NWD1: variants seen among roughly 807,000 people sequenced by gnomAD.
The protein encoded by NWD1 is NACHT domain- and WD repeat-containing protein 1.
In NWD1, 129 loss-of-function variants were observed where a neutral mutation model predicts 135.1. That is an observed-to-expected ratio of 0.96 (90% confidence interval 0.83 to 1.11). The LOEUF is 1.11. Among genes scored for constraint, NWD1 ranks in the 50% least tolerant of loss-of-function variants. The pLI, the probability that NWD1 is intolerant of heterozygous loss-of-function variation, is 0.00. For missense variants in NWD1, 1,740 were observed against 1,851.3 expected (o/e 0.94, Z 1.10); for synonymous variants, 773 against 786.0 (o/e 0.98, Z 0.28).
At chr19:16,761,904 C>G in intron 7 of NWD1, 75 bp from the exon 8 acceptor site, 1 of 1,321,606 alleles carries the variant, frequency 7.6e-7, no homozygotes, top group Non-Finnish European at 1.1e-6. Context: ...TGGGAACTGC[C>G]TCCAGGAAGA....
chr19:16,733,733 G>C (rs557297081), intron 3 of NWD1, among the ~76,000 whole-genome samples: 1 of 152,120 alleles, frequency 6.6e-6, no homozygotes, highest in Non-Finnish European at 1.5e-5. Flanking sequence ...AAGCTTTTCT[G>C]TTTAATGCCC....
intron 16 of NWD1, among the ~76,000 whole-genome samples, 190 bp downstream of exon 16, chr19:16,798,076 T>C (rs1377480757): frequency 6.6e-6 from 1 of 152,062 alleles, no homozygotes; most frequent in Non-Finnish European, 1.5e-5. Flanking sequence ...ATTACTGAAA[T>C]GTTCAACAAA....
At chr19:16,737,964 C>CAAAAGAAAAGAAAAGAAA (rs147713373) in intron 4 of NWD1, among the ~76,000 whole-genome samples, 4 of 124,630 alleles carry the variant, frequency 3.2e-5, no homozygotes, top group Non-Finnish European at 1.7e-5. Flanking sequence ...GACTCTATCT[C>CAAAAGAAAAGAAAAGAAA]GAAAAGAAAA....
At chr19:16,744,136 C>T (rs1374903401) in intron 4 of NWD1, among the ~76,000 whole-genome samples, 1 of 152,038 alleles carries the variant, frequency 6.6e-6, no homozygotes, top group Non-Finnish European at 1.5e-5. Flanking sequence ...CGACAGTAAT[C>T]CCAGCACTTT....
At chr19:16,799,457 GT>G (rs1970527220) in intron 16 of NWD1, among the ~76,000 whole-genome samples, 1 of 152,078 alleles carries the variant, frequency 6.6e-6, no homozygotes, top group Non-Finnish European at 1.5e-5. Context: ...GCCTTCCAAA[GT>G]GCTGGGATTA....
chr19:16,759,494 C>G, intron 7 of NWD1, 66 bp downstream of exon 7: 1 of 1,213,230 alleles, frequency 8.2e-7, no homozygotes, highest in South Asian at 1.3e-5. Flanking sequence ...GACTCACTGG[C>G]CGGGGGTCTT....
At chr19:16,723,126 T>C (rs1967198624) in intron 1 of NWD1, among the ~76,000 whole-genome samples, 1 of 152,050 alleles carries the variant, frequency 6.6e-6, no homozygotes, top group African/African-American at 2.4e-5. Context: ...CTCAACCTCC[T>C]GCGCTCAAGT....
chr19:16,728,666 C>T (rs1014633826), intron 2 of NWD1, among the ~76,000 whole-genome samples: 7 of 150,346 alleles, frequency 4.7e-5, no homozygotes, highest in Non-Finnish European at 7.4e-5. Context: ...AATTGCAGGC[C>T]GGGTGCAGTG....
chr19:16,725,358 G>T (rs1967287543), intron 2 of NWD1, among the ~76,000 whole-genome samples: 1 of 151,154 alleles, frequency 6.6e-6, no homozygotes, highest in South Asian at 2.1e-4. Context: ...CACACCTGTA[G>T]TCCCAGCTAC....
intron 13 of NWD1, among the ~76,000 whole-genome samples, chr19:16,789,693 T>C (rs1383237516): frequency 6.6e-6 from 1 of 151,576 alleles, no homozygotes; most frequent in East Asian, 1.9e-4. Context: ...ACTTCTTTTA[T>C]AGTCTCTCTC....
At chr19:16,742,132 T>C (rs544913851) in intron 4 of NWD1, among the ~76,000 whole-genome samples, 65 of 151,032 alleles carry the variant, frequency 4.3e-4, no homozygotes, top group Admixed American at 7.3e-4. Context: ...CCCAACACTT[T>C]GGGAGGCTGA....
chr19:16,787,897 T>C (rs1199041127), intron 12 of NWD1, among the ~76,000 whole-genome samples: 2 of 80,682 alleles, frequency 2.5e-5, no homozygotes, highest in African/African-American at 1.2e-4. Flanking sequence ...ATAATAATAA[T>C]AATAATAATC....
rs767441760 is a variant in NWD1, at chr19:16,762,029, C to T, written c.2024C>T (p.Ala675Val). The change falls in exon 8 of 19, where the codon GCC becomes GTC. Residue 675 changes from alanine to valine, a missense_variant. Ala to Val is a moderately conservative substitution (Grantham distance 64). Transcript: ENST00000524140. Reference sequence around the variant, plus strand: ...CGCTACCTGTCAGGATCCGAGAGAGCCAAGAGGCATGGCGTCCTGGCCGAC... The same window carrying T: ...CGCTACCTGTCAGGATCCGAGAGAGTCAAGAGGCATGGCGTCCTGGCCGAC... ...RERYLSGSERAKRHGVLADFF... is the reference protein window; with the variant it reads ...RERYLSGSERVKRHGVLADFF... The T allele has an allele frequency of 3.7e-6, 6 of 1,613,842 alleles. No homozygotes were observed. The highest frequency in any genetic ancestry group is 1.1e-5 in the South Asian group (1 of 91,080).
At chr19:16,745,614 C>G (rs1174192333) in intron 5 of NWD1, among the ~76,000 whole-genome samples, 1 of 151,968 alleles carries the variant, frequency 6.6e-6, no homozygotes, top group Non-Finnish European at 1.5e-5. Context: ...GTAGTGCATG[C>G]CTGTAGTCCC....
chr19:16,794,354 A>C lies in NWD1; in HGVS notation c.3214-109A>C, dbSNP rs1970348104. ...GCACTCCTGCCTGGGAGACAGAGTGAGACTCCATCTCAAAAACAAAAAAAA... is the reference window on the plus strand; with the variant it reads ...GCACTCCTGCCTGGGAGACAGAGTGCGACTCCATCTCAAAAACAAAAAAAA... On this transcript the variant is annotated intron_variant, in intron 14 of 18. Transcript: ENST00000524140. The C allele has an allele frequency of 6.5e-6, 4 of 619,370 alleles. No individual in the cohort carries two copies. The Admixed American group carries it at 8.6e-5, about 13-fold the overall frequency. 38.4% of individuals were successfully genotyped at this position (619,370 alleles called of 1,614,324 possible).
intron 10 of NWD1, among the ~76,000 whole-genome samples, chr19:16,767,731 G>T (rs1268914693): frequency 6.6e-6 from 1 of 152,010 alleles, no homozygotes; most frequent in East Asian, 1.9e-4. Context: ...AACATGTGGG[G>T]ATTATGGGGA....
chr19:16,739,034 A>T (rs1315551497), intron 4 of NWD1, among the ~76,000 whole-genome samples: 1 of 150,502 alleles, frequency 6.6e-6, no homozygotes, highest in Non-Finnish European at 1.5e-5. Context: ...CTACACTTCT[A>T]TTGTAATTTG....
rs201479203 is a variant in NWD1, at chr19:16,744,538, C to A, written c.316C>A (p.Arg106=). 1 of 1,535,836 alleles carries A rather than the reference C, an allele frequency of 6.5e-7. No homozygotes were observed. Among genetic ancestry groups the A allele is most frequent in the Non-Finnish European group, 8.7e-7 (1 of 1,146,836 alleles). ...ARPSDLELVA[R]YFQRDENAFP... ...GCCAAGTGACCTGGAGCTGGTGGCA[C>A]GATACTTCCAGAGGGACGAGAATGC... is the stretch of plus-strand genomic sequence containing the variant. Residue 106 remains arginine, a synonymous_variant, in exon 5 of 19, where the codon CGA becomes AGA. Coordinates refer to ENST00000524140, the MANE Select transcript of NWD1 (RefSeq NM_001007525.5).
chr19:16,749,062 C>T lies in NWD1; in HGVS notation c.497-77C>T. ...CAATGCACATCCCCCAACAACAGGTCTCCCAGCAACCCCATTTAGGTCAGC... is the reference window on the plus strand; with the variant it reads ...CAATGCACATCCCCCAACAACAGGTTTCCCAGCAACCCCATTTAGGTCAGC... On this transcript the variant is annotated intron_variant, in intron 5 of 18. Transcript: ENST00000524140. 1.0e-5 allele frequency: 12 copies of T among 1,158,356 alleles called. No homozygotes were observed. The South Asian group carries it at 1.6e-4, about 16-fold the overall frequency. The allele number at this position is 1,158,356 out of a possible 1,614,324, so 71.8% of individuals were successfully genotyped here.
Sources: allele counts gnomAD v4.1 joint callset (sites outside exome capture counted in the v4.1 genomes callset), GRCh38; gene constraint gnomAD v4.1.1; transcripts MANE v1.5; gene names NCBI Gene and HGNC (gene_info 2026-07-23, HGNC 2026-07-21).